The following ASIC2 variants were observed in gnomAD, a reference collection of about 807,000 sequenced individuals.
The protein encoded by ASIC2 is acid-sensing ion channel 2.
In ASIC2, 25 loss-of-function variants were observed where a neutral mutation model predicts 57.3. That is an observed-to-expected ratio of 0.44 (90% confidence interval 0.32 to 0.61). The LOEUF is 0.61. ASIC2 is among the 20% of genes least tolerant of loss of function. The pLI, the probability that ASIC2 is intolerant of heterozygous loss-of-function variation, is 0.06. For missense variants in ASIC2, 641 were observed against 738.1 expected (o/e 0.87, Z 1.52); for synonymous variants, 319 against 307.5 (o/e 1.04, Z -0.39).
At chr17:34,052,452 C>G (rs537892321) in intron 1 of ASIC2, among the ~76,000 whole-genome samples, 1 of 152,276 alleles carries the variant, frequency 6.6e-6, no homozygotes, top group South Asian at 2.1e-4. Context: ...GGAGTCTACA[C>G]GGAGAATGGC....
chr17:34,101,256 T>TA (rs1365342417), intron 1 of ASIC2, among the ~76,000 whole-genome samples: 5 of 152,178 alleles, frequency 3.3e-5, no homozygotes, highest in African/African-American at 1.2e-4. Flanking sequence ...CACATACATA[T>TA]ACAAGGCTCA....
At chr17:33,186,625 G>C (rs770369450) in intron 1 of ASIC2, among the ~76,000 whole-genome samples, 5 of 152,148 alleles carry the variant, frequency 3.3e-5, no homozygotes, top group African/African-American at 1.2e-4. Flanking sequence ...GCTAATGAGC[G>C]TACAGTGCAG....
At chr17:33,678,431 C>T (rs3103658) in intron 1 of ASIC2, among the ~76,000 whole-genome samples, 26,500 of 138,242 alleles carry the variant, frequency 0.19, 2,607 homozygotes, top group African/African-American at 0.29. Context: ...GTGCCTGGTT[C>T]AATCCACACA....
At chr17:34,133,557 T>C (rs7216347) in intron 1 of ASIC2, among the ~76,000 whole-genome samples, 65,800 of 152,096 alleles carry the variant, frequency 0.43, 15,476 homozygotes, top group African/African-American at 0.63. Context: ...CAGGCCAGGG[T>C]ACCAGTGATG....
At chr17:33,887,509 G>A (rs1288812942) in intron 1 of ASIC2, among the ~76,000 whole-genome samples, 10 of 152,192 alleles carry the variant, frequency 6.6e-5, no homozygotes, top group East Asian at 5.8e-4. Flanking sequence ...GAAGGGACTT[G>A]TAGCTTTAAG....
intron 2 of ASIC2, among the ~76,000 whole-genome samples, chr17:33,092,584 G>T (rs1356942145): frequency 6.6e-6 from 1 of 152,232 alleles, no homozygotes; most frequent in Non-Finnish European, 1.5e-5. Context: ...TCTGATATAG[G>T]TCTGAGGTCA....
chr17:33,401,597 A>G (rs1910289745), intron 1 of ASIC2, among the ~76,000 whole-genome samples: 1 of 152,176 alleles, frequency 6.6e-6, no homozygotes, highest in Non-Finnish European at 1.5e-5. Flanking sequence ...TTAATGATTT[A>G]TGTCTTGTAA....
chr17:33,769,904 G>A (rs536972151), intron 1 of ASIC2, among the ~76,000 whole-genome samples: 2 of 152,312 alleles, frequency 1.3e-5, no homozygotes, highest in South Asian at 4.2e-4. Context: ...CTCTTATGAG[G>A]ACTCTAGTCC....
At chr17:33,740,957 A>C (rs1910093762) in intron 1 of ASIC2, among the ~76,000 whole-genome samples, 1 of 152,216 alleles carries the variant, frequency 6.6e-6, no homozygotes, top group African/African-American at 2.4e-5. Context: ...GTTTGAATTT[A>C]GATCCCTTCA....
intron 1 of ASIC2, chr17:33,624,217 A>T (rs1296041660): frequency 6.6e-6 from 1 of 152,220 alleles, no homozygotes; most frequent in African/African-American, 2.4e-5. Context: ...ATCCAGAGGG[A>T]TATATCAGCA....
chr17:33,457,628 G>T (rs1157680000), intron 1 of ASIC2, among the ~76,000 whole-genome samples: 2 of 152,058 alleles, frequency 1.3e-5, no homozygotes, highest in African/African-American at 4.8e-5. Context: ...CACTAATGAT[G>T]CTGCTGCTGC....
chr17:33,160,999 C>G (rs571839855), intron 1 of ASIC2, among the ~76,000 whole-genome samples: 23 of 152,338 alleles, frequency 1.5e-4, no homozygotes, highest in African/African-American at 5.5e-4. Flanking sequence ...AGACCTGAAA[C>G]AGCTTGGAGC....
At chr17:34,150,995 C>T (rs1046696499) in intron 1 of ASIC2, among the ~76,000 whole-genome samples, 2 of 150,652 alleles carry the variant, frequency 1.3e-5, no homozygotes, top group East Asian at 2.0e-4. Flanking sequence ...CCCAGCTACT[C>T]GGGAAGCTGA....
chr17:33,396,020 A>AGACTCTTT (rs1179452519), intron 1 of ASIC2, among the ~76,000 whole-genome samples: 2 of 152,240 alleles, frequency 1.3e-5, no homozygotes, highest in African/African-American at 4.8e-5. Flanking sequence ...AAGAACCGTC[A>AGACTCTTT]GACTCTTGTC....
intron 1 of ASIC2, chr17:33,529,985 C>T (rs1004448435): frequency 7.2e-5 from 11 of 152,154 alleles, no homozygotes; most frequent in African/African-American, 2.7e-4. Flanking sequence ...CTCTCAACCC[C>T]GCTGGGTCTT....
rs945711566 is a variant in ASIC2, at chr17:33,890,176, G to A, written c.555+265802C>T. 1.1e-4 allele frequency among the ~76,000 whole-genome samples: 17 copies of A among 152,284 alleles called. No homozygotes were observed. The East Asian group carries it at 3.3e-3, about 29-fold the overall frequency. On this transcript the variant is annotated intron_variant, in intron 1 of 9. Coordinates refer to the ASIC2 transcript ENST00000359872. ...GGGGCTCAATGGCCACCTGTGGCTAGTGGCTACCTTACTGGACAGTGCAGG... is the reference window on the plus strand; with the variant it reads ...GGGGCTCAATGGCCACCTGTGGCTAATGGCTACCTTACTGGACAGTGCAGG...
intron 1 of ASIC2, among the ~76,000 whole-genome samples, chr17:33,374,643 G>A (rs1373719635): frequency 1.3e-5 from 2 of 152,138 alleles, no homozygotes; most frequent in African/African-American, 2.4e-5. Context: ...GCAGTGGCAG[G>A]AAGAACCCAA....
chr17:33,888,682 G>C (rs1281085082), intron 1 of ASIC2, among the ~76,000 whole-genome samples: 2 of 152,250 alleles, frequency 1.3e-5, no homozygotes, highest in East Asian at 3.9e-4. Context: ...TTAGTCACAA[G>C]TGATAATGTA....
intron 1 of ASIC2, among the ~76,000 whole-genome samples, chr17:33,824,366 G>A (rs1213230793): frequency 2.0e-5 from 3 of 151,924 alleles, no homozygotes; most frequent in Non-Finnish European, 4.4e-5. Context: ...ACAGATATTA[G>A]CAGGTGTCTG....
Sources: allele counts gnomAD v4.1 joint callset (sites outside exome capture counted in the v4.1 genomes callset), GRCh38; gene constraint gnomAD v4.1.1; transcripts MANE v1.5; gene names NCBI Gene and HGNC (gene_info 2026-07-23, HGNC 2026-07-21).